Variants in TNNT3 observed in about 807,000 individuals in gnomAD.
TNNT3 encodes troponin T3, fast skeletal type, also known as troponin T, fast skeletal muscle.
A neutral mutation model predicts 54.2 loss-of-function variants in TNNT3; 36 were observed. That is an observed-to-expected ratio of 0.66 (90% confidence interval 0.51 to 0.88). TNNT3 has a LOEUF of 0.88. TNNT3 is among the 40% of genes least tolerant of loss of function. The pLI is 0.00. For missense variants in TNNT3, 291 were observed against 331.6 expected, an observed-to-expected ratio of 0.88 and a Z score of 0.95; for synonymous variants, 120 against 109.7, an observed-to-expected ratio of 1.09 and a Z score of -0.59.
At chr11:1,925,511 G>A (rs1851337765) in intron 5 of TNNT3, 1 of 614,226 alleles carries the variant, frequency 1.6e-6, no homozygotes, top group Non-Finnish European at 2.9e-6. Context: ...AGTAGGGCCA[G>A]GGACTCCCCA....
At chr11:1,931,191 A>T (rs1200994259) in intron 8 of TNNT3, among the ~76,000 whole-genome samples, 1 of 152,216 alleles carries the variant, frequency 6.6e-6, no homozygotes, top group African/African-American at 2.4e-5. Flanking sequence ...AATTTTCCTA[A>T]CCATTCCCCT....
At chr11:1,923,273 C>A (rs1850572784) in intron 3 of TNNT3, among the ~76,000 whole-genome samples, 2 of 152,118 alleles carry the variant, frequency 1.3e-5, no homozygotes, top group African/African-American at 4.8e-5. Flanking sequence ...TCCTGAGGGG[C>A]CTGCAGGTCA....
rs372620292 is a variant in TNNT3, at chr11:1,934,541, T to C, written c.481-5T>C. The C allele has an allele frequency of 6.0e-5, 96 of 1,608,624 alleles. No individual in the cohort carries two copies. In the African/African-American group the frequency reaches 1.1e-3, roughly 19 times the overall value. ...GGCCCCTCTCTTTGGGCCTGTCCGC[T>C]GCAGGCTGACCAGAAGAGAGGCAAG... On this transcript the variant is annotated splice_polypyrimidine_tract_variant and splice_region_variant and intron_variant, in intron 12 of 15. Coordinates refer to ENST00000278317, the MANE Select transcript of TNNT3 (RefSeq NM_006757.4).
At chr11:1,923,471 G>T (rs1850639165) in intron 3 of TNNT3, 84 bp from the exon 4 acceptor site, 4 of 1,473,742 alleles carry the variant, frequency 2.7e-6, no homozygotes, top group Non-Finnish European at 3.8e-6. Context: ...CCAGGGCCGG[G>T]ACACACTGGC....
chr11:1,926,406 C>T (rs1294127561), intron 5 of TNNT3: 37 of 1,606,984 alleles, frequency 2.3e-5, no homozygotes, highest in Non-Finnish European at 3.1e-5. Flanking sequence ...ACCTCGGACG[C>T]TTCTCCATTG....
At chr11:1,922,104 C>CG (rs59170341) in intron 1 of TNNT3, among the ~76,000 whole-genome samples, 4,236 of 152,174 alleles carry the variant, frequency 0.028, 206 homozygotes, top group African/African-American at 0.094. Flanking sequence ...GAGCCCGGCC[C>CG]GGGGGGGTGC....
rs753060668 is a variant in TNNT3, at chr11:1,933,726, C to T, written c.177C>T (p.Ile59=). The stretch of plus-strand genomic sequence containing the variant: ...CCCACTGCCCCTGCCCACAGGACAT[C>T]CAGAAGAAGCGTCAGAACAAAGACC... The part of the protein sequence containing the change: ...PEGEKVDFDD[I]QKKRQNKDLM... Residue 59 remains isoleucine, a synonymous_variant, in exon 10 of 16, where the codon ATC becomes ATT. Transcript: ENST00000278317. The T allele has an allele frequency of 9.3e-6, 15 of 1,612,688 alleles. No individual in the cohort carries two copies. Among genetic ancestry groups the T allele is most frequent in the Non-Finnish European group, 1.3e-5 (15 of 1,179,816 alleles).
chr11:1,925,316 G>A (rs372142501), intron 5 of TNNT3, 200 bp downstream of exon 5: 99 of 1,567,466 alleles, frequency 6.3e-5, no homozygotes, highest in Non-Finnish European at 7.6e-5. Flanking sequence ...TGTGGGGCCC[G>A]GGGCCTGGCT....
chr11:1,925,335 T>C, intron 5 of TNNT3: 1 of 1,459,830 alleles, frequency 6.9e-7, no homozygotes. Context: ...CTGGAGCCCA[T>C]GTGGGGGTGG....
intron 1 of TNNT3, among the ~76,000 whole-genome samples, chr11:1,922,123 C>T (rs565656172): frequency 8.5e-5 from 13 of 152,284 alleles, no homozygotes; most frequent in South Asian, 4.2e-4. Context: ...GCACGGGAAG[C>T]GGCCCAGACC....
At chr11:1,933,908 C>T in intron 10 of TNNT3, 23 bp from the exon 11 acceptor site, 1 of 1,612,726 alleles carries the variant, frequency 6.2e-7, no homozygotes, top group Non-Finnish European at 8.5e-7. Context: ...CAGGGCTGAG[C>T]AGACCCCCTT....
chr11:1,925,416 T>C, intron 5 of TNNT3: 1 of 914,350 alleles, frequency 1.1e-6, no homozygotes, highest in Non-Finnish European at 1.7e-6. Flanking sequence ...GTGGCCCTAA[T>C]GTAACCCACT....
Position 1,933,976 on chromosome 11 carries a change from G to T in TNNT3, c.334G>T (p.Glu112Ter). 1 of 1,612,624 alleles carries T rather than the reference G, an allele frequency of 6.2e-7. No individual in the cohort carries two copies. The highest frequency in any genetic ancestry group is 8.5e-7 in the Non-Finnish European group (1 of 1,179,922). ...ERAEQQRIRA[E>*]KERERQNRLA... ...AGCGGAGCAGCAGAGGATTCGTGCA[G>T]AGAAGGAGAGGGAGCGCCAGAACAG... Residue 112 changes from glutamate (E) to a stop codon, truncating the protein, a stop_gained, in exon 11 of 16, where the codon GAG becomes TAG. Transcript: ENST00000278317. LOFTEE classifies it high-confidence loss of function.
intron 7 of TNNT3, among the ~76,000 whole-genome samples, 190 bp from the exon 8 acceptor site, chr11:1,929,620 C>A (rs2133375401): frequency 6.6e-6 from 1 of 152,368 alleles, no homozygotes; most frequent in African/African-American, 2.4e-5. Flanking sequence ...CTGCCAGGGG[C>A]TTTTGCAGGC....
At chr11:1,932,337 C>T (rs773112455) in intron 8 of TNNT3, 132 bp from the exon 9 acceptor site, 20 of 831,068 alleles carry the variant, frequency 2.4e-5, no homozygotes, top group South Asian at 1.1e-4. Flanking sequence ...TGTCACTAGG[C>T]GGGCATGCTT....
intron 3 of TNNT3, 140 bp downstream of exon 3, chr11:1,923,201 C>A: frequency 4.8e-6 from 6 of 1,261,094 alleles, no homozygotes; most frequent in South Asian, 2.4e-5. Flanking sequence ...TTCTGAGTGA[C>A]CCCCGGAAAA....
Position 1,936,394 on chromosome 11 carries a change from C to A in TNNT3, c.682-569C>A, listed in dbSNP as rs970286720. 3 of 959,670 alleles carry A rather than the reference C, an allele frequency of 3.1e-6. No homozygotes were observed. The African/African-American group carries it at 4.9e-5, about 16-fold the overall frequency. The allele number at this position is 959,670 out of a possible 1,614,324, so 59.4% of individuals were successfully genotyped here. A position where few individuals can be genotyped will look rare whatever the true frequency, so the allele number is the denominator to read the frequency against. ...GAGCCTTCCTCCTGCCCCCGCTCTC[C>A]CCTCGTGCCTGCAGCCGGGGGCTTC... On this transcript the variant is annotated intron_variant, in intron 14 of 15. Coordinates refer to ENST00000278317, the MANE Select transcript of TNNT3 (RefSeq NM_006757.4).
Position 1,932,540 on chromosome 11 carries a change from A to T in TNNT3, c.171+26A>T, listed in dbSNP as rs73413035. The T allele has an allele frequency of 2.2e-4, 348 of 1,612,262 alleles. 1 individual carries two copies. In the African/African-American group the frequency reaches 4.2e-3, roughly 20 times the overall value. ...GTAAGTTTACAGGACTCTGGTTAAC[A>T]TGTCCACGGTTTCCCCACACCCCAG... On this transcript the variant is annotated intron_variant, in intron 9 of 15. Coordinates refer to ENST00000278317, the MANE Select transcript of TNNT3 (RefSeq NM_006757.4).
intron 5 of TNNT3, 110 bp downstream of exon 5, chr11:1,925,226 C>T (rs774619438): frequency 1.3e-6 from 2 of 1,538,522 alleles, no homozygotes; most frequent in South Asian, 2.3e-5. Context: ...CCCTGTCTAA[C>T]CCTCTCCTCT....
Sources: allele counts gnomAD v4.1 joint callset (sites outside exome capture counted in the v4.1 genomes callset), GRCh38; gene constraint gnomAD v4.1.1; transcripts MANE v1.5; gene names NCBI Gene and HGNC (gene_info 2026-07-23, HGNC 2026-07-21).